The following KIF1B variants were observed in gnomAD, a reference collection of about 807,000 sequenced individuals.
KIF1B encodes kinesin family member 1B.
KIF1B carries 76 observed loss-of-function variants against 241.9 expected under a neutral mutation model. The ratio of observed to expected loss-of-function variants is 0.31; its 90% CI spans 0.26 to 0.38. The LOEUF (loss-of-function observed/expected upper bound fraction) is 0.38, where lower values mean the gene tolerates loss of function less well. Ranked by LOEUF, KIF1B falls within the 10% of genes least tolerant of loss-of-function variation. The pLI, the probability that KIF1B is intolerant of heterozygous loss-of-function variation, is 1.00. For synonymous variants in KIF1B, 750 were observed against 796.7 expected (o/e 0.94, Z 0.99); for missense variants, 1,622 against 2,271.4 (o/e 0.71, Z 5.81).
intron 13 of KIF1B, chr1:10,278,835 T>G: frequency 2.3e-6 from 1 of 429,980 alleles, no homozygotes; most frequent in East Asian, 3.4e-5. Context: ...TGGGTTAGTT[T>G]AGTAAAGCAT....
intron 22 of KIF1B, among the ~76,000 whole-genome samples, chr1:10,298,456 A>C (rs751239929): frequency 6.6e-6 from 1 of 152,210 alleles, no homozygotes; most frequent in South Asian, 2.1e-4. Context: ...TAAAGCCCTA[A>C]AAAGAATGGA....
intron 22 of KIF1B, chr1:10,305,048 G>A: frequency 1.8e-6 from 2 of 1,082,386 alleles, no homozygotes; most frequent in African/African-American, 1.6e-5. Flanking sequence ...AATTTGATAA[G>A]CAGAATTAAA....
Position 10,321,832 on chromosome 1 carries a change from C to T in KIF1B, c.2333C>T (p.Ala778Val), listed in dbSNP as rs1160409730. 6.2e-7 allele frequency: 1 copy of T among 1,614,136 alleles called. No individual in the cohort carries two copies. Among genetic ancestry groups the T allele is most frequent in the East Asian group, 2.2e-5 (1 of 44,870 alleles). ...GNAVYLKEAN[A>V]ISVELKKKVQ... ...GCCGTGTACCTAAAGGAGGCCAATG[C>T]CATCAGTGTGGAACTGAAAAAGAAG... is the stretch of plus-strand genomic sequence containing the variant. The change falls in exon 24 of 49, where the codon GCC (alanine) becomes GTC (valine). Residue 778 changes from alanine to valine, a missense_variant. By Grantham distance (64) the Ala-to-Val change is moderately conservative. This residue lies in a region of KIF1B where 803 missense variants were observed against 1,112.0 expected (regional missense o/e 0.72). Coordinates refer to ENST00000676179, the MANE Select transcript of KIF1B (RefSeq NM_001365951.3).
intron 5 of KIF1B, 103 bp downstream of exon 5, chr1:10,262,073 A>G (rs1444787730): frequency 2.5e-6 from 2 of 810,954 alleles, no homozygotes; most frequent in Non-Finnish European, 4.3e-6. Context: ...TCACTTCACC[A>G]TTCCTTCATT....
intron 28 of KIF1B, 89 bp from the exon 29 acceptor site, chr1:10,336,568 A>G: frequency 1.0e-6 from 1 of 1,001,810 alleles, no homozygotes; most frequent in African/African-American, 1.6e-5. Context: ...CATGCCAAAG[A>G]CTTGAGTTTA....
chr1:10,297,350 G>T, intron 22 of KIF1B, 104 bp downstream of exon 22: 1 of 916,248 alleles, frequency 1.1e-6, no homozygotes, highest in Non-Finnish European at 1.8e-6. Flanking sequence ...CTGTCTCAAT[G>T]ATACCAAGCA....
At chr1:10,224,112 G>A (rs1183076090) in intron 1 of KIF1B, among the ~76,000 whole-genome samples, 1 of 151,898 alleles carries the variant, frequency 6.6e-6, no homozygotes, top group African/African-American at 2.4e-5. Context: ...AGCCCTGACC[G>A]TGGTTTTTGT....
At chr1:10,297,980 T>C (rs1416729158) in intron 22 of KIF1B, among the ~76,000 whole-genome samples, 1 of 152,234 alleles carries the variant, frequency 6.6e-6, no homozygotes, top group Non-Finnish European at 1.5e-5. Context: ...GGTAATTGAT[T>C]TCCCAGATTT....
At chr1:10,277,037 C>T (rs940945909) in intron 12 of KIF1B, among the ~76,000 whole-genome samples, 2 of 150,536 alleles carry the variant, frequency 1.3e-5, no homozygotes, top group Admixed American at 6.6e-5. Flanking sequence ...GCCGAGATGG[C>T]GCCACTGCAC....
chr1:10,253,404 G>A (rs1334923170), intron 2 of KIF1B, among the ~76,000 whole-genome samples: 1 of 152,218 alleles, frequency 6.6e-6, no homozygotes, highest in Non-Finnish European at 1.5e-5. Context: ...ACTTTGGGAA[G>A]CTGAGGCATG....
Position 10,366,319 on chromosome 1 carries a change from G to A in KIF1B, c.4752+671G>A, listed in dbSNP as rs190161834. ...GGTCACAAGCATATAATAGAGATGTGTGTTTCAAATGCTATGGGAGTCAGA... is the reference window on the plus strand; with the variant it reads ...GGTCACAAGCATATAATAGAGATGTATGTTTCAAATGCTATGGGAGTCAGA... On this transcript the variant is annotated intron_variant, in intron 43 of 48. Transcript: ENST00000676179. 1.8e-4 allele frequency among the ~76,000 whole-genome samples: 28 copies of A among 152,324 alleles called. No individual in the cohort carries two copies. The East Asian group carries it at 5.0e-3, about 27-fold the overall frequency.
chr1:10,250,590 G>T (rs1647382110), intron 2 of KIF1B, among the ~76,000 whole-genome samples: 1 of 152,106 alleles, frequency 6.6e-6, no homozygotes, highest in Non-Finnish European at 1.5e-5. Context: ...CTTTGGGAGG[G>T]CAAGGAAAGA....
chr1:10,298,431 T>C (rs1214033372), intron 22 of KIF1B, among the ~76,000 whole-genome samples: 1 of 152,202 alleles, frequency 6.6e-6, no homozygotes, highest in Non-Finnish European at 1.5e-5. Flanking sequence ...TAGTTTGTTA[T>C]CTTGTAAATT....
At chr1:10,274,103 AT>A (rs1252011949) in intron 10 of KIF1B, among the ~76,000 whole-genome samples, 4 of 151,466 alleles carry the variant, frequency 2.6e-5, no homozygotes, top group Admixed American at 6.6e-5. Flanking sequence ...CCCCCGGCTA[AT>A]TTTTTGTATT....
chr1:10,257,710 C>T (rs1280005571), intron 3 of KIF1B, among the ~76,000 whole-genome samples: 1 of 151,982 alleles, frequency 6.6e-6, no homozygotes, highest in Non-Finnish European at 1.5e-5. Flanking sequence ...GAGTCTCGCT[C>T]TGTTGCCTAG....
At chr1:10,347,953 T>G in intron 36 of KIF1B, 126 bp downstream of exon 36, 1 of 796,034 alleles carries the variant, frequency 1.3e-6, no homozygotes, top group Admixed American at 2.4e-5. Flanking sequence ...CATTGTCCTG[T>G]TGTCATTTTT....
intron 7 of KIF1B, among the ~76,000 whole-genome samples, chr1:10,268,625 C>CT (rs5772405): frequency 0.058 from 7,602 of 130,012 alleles, 521 homozygotes; most frequent in African/African-American, 0.16. Context: ...TATGTGTATT[C>CT]TTTTTTTTTT....
intron 1 of KIF1B, among the ~76,000 whole-genome samples, chr1:10,215,170 A>ATTTTTTTT (rs1437007597): frequency 4.0e-5 from 2 of 50,248 alleles, no homozygotes; most frequent in African/African-American, 2.2e-4. Context: ...ATATATATAT[A>ATTTTTTTT]TATTTTTTTT....
At chr1:10,356,182 A>G (rs892759646) in intron 38 of KIF1B, among the ~76,000 whole-genome samples, 15 of 152,094 alleles carry the variant, frequency 9.9e-5, no homozygotes, top group African/African-American at 3.1e-4. Context: ...CCTGGCCAAG[A>G]TGGTGAAACC....
Sources: allele counts gnomAD v4.1 joint callset (sites outside exome capture counted in the v4.1 genomes callset), GRCh38; gene constraint gnomAD v4.1.1; regional missense constraint gnomAD v4.1.1; transcripts MANE v1.5; gene names NCBI Gene and HGNC (gene_info 2026-07-23, HGNC 2026-07-21).